DNM2: variants seen among roughly 807,000 people sequenced by gnomAD.
DNM2 encodes dynamin 2.
In DNM2, 15 loss-of-function variants were observed where a neutral mutation model predicts 99.0. The observed-to-expected ratio is 0.15, with a 90% CI of 0.10 to 0.23. DNM2 has a LOEUF of 0.23. DNM2 is among the 10% of genes least tolerant of loss of function. DNM2 has a pLI of 1.00. For missense variants in DNM2, 742 were observed against 1,189.4 expected (o/e 0.62, Z 5.53); for synonymous variants, 525 against 481.2 (o/e 1.09, Z -1.19).
chr19:10,750,825 T>C (rs1046744742), intron 1 of DNM2, among the ~76,000 whole-genome samples: 3 of 151,108 alleles, frequency 2.0e-5, no homozygotes, highest in African/African-American at 7.3e-5. Flanking sequence ...CCCAGCTACT[T>C]GGGGGGCTGA....
At position 10,775,797 on chromosome 19, in the gene DNM2, C is replaced by A; in HGVS notation, c.480C>A (p.Ile160=). The A allele has an allele frequency of 6.2e-7, 1 of 1,614,188 alleles. No individual in the cohort carries two copies. The highest frequency in any genetic ancestry group is 8.5e-7 in the Non-Finnish European group (1 of 1,180,040). Residue 160 remains isoleucine, a synonymous_variant, in exon 4 of 21, where the codon ATC becomes ATA. Transcript: ENST00000389253. This position sits in a 1 kb window ranked among gnomAD's most constrained non-coding sequence, Gnocchi z 4.3. ...TCGAGTACCAGATCAAGGACATGAT[C>A]CTGCAGTTCATCAGCCGGGAGAGCA... The part of the protein sequence containing the change: ...PDIEYQIKDM[I]LQFISRESSL...
chr19:10,803,403 C>T (rs1168998401), intron 12 of DNM2, among the ~76,000 whole-genome samples: 3 of 152,282 alleles, frequency 2.0e-5, no homozygotes, highest in African/African-American at 2.4e-5. Context: ...AGAGATGAGC[C>T]GAAGTCCCTG....
rs774256221 is a variant in DNM2 at position 10,823,878 on chromosome 19, C to T, written c.1872C>T (p.Gly624=). The change falls in exon 17 of 21, where the codon GGC becomes GGT. Residue 624 remains glycine (G), a synonymous_variant. Coordinates refer to ENST00000389253, the MANE Select transcript of DNM2 (RefSeq NM_001005361.3). ...GGAAGGCCTCGTTCCTCCGAGCTGG[C>T]GTCTACCCCGAGAAGGACCAGGTGA... ...DSWKASFLRA[G]VYPEKDQAEN... 1.5e-5 allele frequency: 25 copies of T among 1,613,644 alleles called. 1 individual carries two copies. The Middle Eastern group carries it at 6.6e-4, about 43-fold the overall frequency.
chr19:10,752,879 G>A (rs948211058), intron 1 of DNM2, among the ~76,000 whole-genome samples: 4 of 152,220 alleles, frequency 2.6e-5, no homozygotes, highest in Non-Finnish European at 5.9e-5. Flanking sequence ...GGTGGCTCAC[G>A]CCTGTAATCC....
chr19:10,786,190 A>G (rs1488386590), intron 6 of DNM2, among the ~76,000 whole-genome samples: 1 of 152,094 alleles, frequency 6.6e-6, no homozygotes, highest in East Asian at 1.9e-4. Flanking sequence ...CCACCTTTTC[A>G]GGGGCGATCT....
rs565098546 is a variant in DNM2, at chr19:10,811,574, G to T, written c.1558-690G>T. On this transcript the variant is annotated intron_variant, in intron 14 of 20. Coordinates refer to ENST00000389253, the MANE Select transcript of DNM2 (RefSeq NM_001005361.3). The surrounding 1 kb of genome is among the most constrained non-coding windows in gnomAD (Gnocchi z 5.4). Reference sequence around the variant, plus strand: ...GCTTCCTGCAGCTCCCAGGGCCCTCGTCCTGAGTGGGGTGGGGGGCTCTGC... The same window carrying T: ...GCTTCCTGCAGCTCCCAGGGCCCTCTTCCTGAGTGGGGTGGGGGGCTCTGC... 2 of 400,226 alleles carry T rather than the reference G, an allele frequency of 5.0e-6. No homozygotes were observed. Among genetic ancestry groups the T allele is most frequent in the Non-Finnish European group, 1.0e-5 (2 of 198,016 alleles). The allele number at this position is 400,226 out of a possible 1,614,324, so 24.8% of individuals were successfully genotyped here.
chr19:10,780,085 C>T (rs776745247), intron 5 of DNM2, among the ~76,000 whole-genome samples: 2 of 152,108 alleles, frequency 1.3e-5, no homozygotes, highest in African/African-American at 4.8e-5. Flanking sequence ...TTTTCCACCT[C>T]GATGTCTGAG....
Position 10,831,071 on chromosome 19 carries a change from G to A in DNM2, c.*24G>A. ...AGGCCTCGAGGGGGGCGTGCTCTCG[G>A]GGGGGCCTCACGCACCCGCGGCGCA... On this transcript the variant is annotated 3_prime_UTR_variant, in exon 21 of 21. Coordinates refer to ENST00000389253, the MANE Select transcript of DNM2 (RefSeq NM_001005361.3). This position sits in a 1 kb window ranked among gnomAD's most constrained non-coding sequence, Gnocchi z 4.3. 1 of 1,584,188 alleles carries A rather than the reference G, an allele frequency of 6.3e-7. No homozygotes were observed. Among genetic ancestry groups the A allele is most frequent in the Non-Finnish European group, 8.6e-7 (1 of 1,165,066 alleles).
chr19:10,792,057 C>T (rs139179562), intron 7 of DNM2, among the ~76,000 whole-genome samples: 3,154 of 152,268 alleles, frequency 0.021, 46 homozygotes, highest in Middle Eastern at 0.041. Flanking sequence ...CATTGCGCTC[C>T]AGCTTGGGCG....
intron 18 of DNM2, among the ~76,000 whole-genome samples, chr19:10,825,700 C>G (rs971712999): frequency 7.0e-6 from 1 of 143,668 alleles, no homozygotes; most frequent in Admixed American, 7.0e-5. Flanking sequence ...GAGAAAAATA[C>G]AAAAAGTAGC....
chr19:10,798,015 G>A (rs981511079), intron 10 of DNM2, among the ~76,000 whole-genome samples: 2 of 152,154 alleles, frequency 1.3e-5, no homozygotes, highest in African/African-American at 4.8e-5. Flanking sequence ...TGGCGAGTGT[G>A]TGCCACAGAT....
At chr19:10,757,671 A>G (rs1050227860) in intron 1 of DNM2, among the ~76,000 whole-genome samples, 2 of 152,142 alleles carry the variant, frequency 1.3e-5, no homozygotes, top group African/African-American at 2.4e-5. Flanking sequence ...TTGGCCAGGC[A>G]CGGTGGCTCA....
rs549767423 is a variant in DNM2, at chr19:10,787,616, G to A, written c.992+910G>A. On this transcript the variant is annotated intron_variant, in intron 7 of 20. Transcript: ENST00000389253. ...CAACGTACAAAAAAATTAGCCGGGC[G>A]CGGTGGTGGGCACCTGTAGTCCCAG... Among the ~76,000 whole-genome samples, 12 of 151,980 alleles carry A rather than the reference G, an allele frequency of 7.9e-5. No individual in the cohort carries two copies. The East Asian group carries it at 1.4e-3, about 17-fold the overall frequency.
Position 10,775,829 on chromosome 19 carries a change from T to G in DNM2, c.512T>G (p.Ile171Ser). The change falls in exon 4 of 21, where the codon ATT becomes AGT. Residue 171 changes from isoleucine (I) to serine (S), a missense_variant. This residue lies in a region of DNM2 where 192 missense variants were observed against 358.9 expected (regional missense o/e 0.54). Coordinates refer to ENST00000389253, the MANE Select transcript of DNM2 (RefSeq NM_001005361.3). The surrounding 1 kb of genome is among the most constrained non-coding windows in gnomAD (Gnocchi z 4.3). ...TTCATCAGCCGGGAGAGCAGCCTCA[T>G]TCTGGCTGTCACGCCCGCCAACATG... ...LQFISRESSLILAVTPANMDL... is the reference protein window; with the variant it reads ...LQFISRESSLSLAVTPANMDL... 1.2e-6 allele frequency: 2 copies of G among 1,614,090 alleles called. No homozygotes were observed. The highest frequency in any genetic ancestry group is 1.7e-6 in the Non-Finnish European group (2 of 1,180,022).
At chr19:10,731,731 A>G (rs2069327598) in intron 1 of DNM2, among the ~76,000 whole-genome samples, 1 of 152,232 alleles carries the variant, frequency 6.6e-6, no homozygotes, top group Admixed American at 6.5e-5. Context: ...CAGCTTGACG[A>G]AGGCTTCCTG....
At chr19:10,758,752 G>T (rs1426984563) in intron 1 of DNM2, among the ~76,000 whole-genome samples, 1 of 151,674 alleles carries the variant, frequency 6.6e-6, no homozygotes, top group East Asian at 2.0e-4. Context: ...TCGCCATGTT[G>T]GCCAGGCTGG....
At chr19:10,719,877 G>C (rs1397417669) in intron 1 of DNM2, among the ~76,000 whole-genome samples, 2 of 152,184 alleles carry the variant, frequency 1.3e-5, no homozygotes, top group Admixed American at 6.5e-5. Flanking sequence ...CTGGCGTAAG[G>C]CCTTGTGTCT....
In DNM2 at chr19:10,811,468, G is replaced by A. The variant is rs2072542201; in HGVS notation, c.1558-796G>A. 5.7e-6 allele frequency: 2 copies of A among 353,592 alleles called. No individual in the cohort carries two copies. The highest frequency in any genetic ancestry group is 5.6e-6 in the Non-Finnish European group (1 of 178,266). 21.9% of individuals were successfully genotyped at this position (353,592 alleles called of 1,614,324 possible). ...GGCCAGCCCTTCGCAGCTGTCCATG[G>A]CCATGCTCAGCCCACCCTTTGTAGC... On this transcript the variant is annotated intron_variant, in intron 14 of 20. Coordinates refer to ENST00000389253, the MANE Select transcript of DNM2 (RefSeq NM_001005361.3). This position sits in a 1 kb window ranked among gnomAD's most constrained non-coding sequence, Gnocchi z 5.4.
At chr19:10,783,611 A>G (rs575024533) in intron 6 of DNM2, among the ~76,000 whole-genome samples, 15 of 151,874 alleles carry the variant, frequency 9.9e-5, no homozygotes, top group Admixed American at 2.0e-4. Context: ...TTATTCAGTC[A>G]TTTACCCAGA....
Sources: allele counts gnomAD v4.1 joint callset (sites outside exome capture counted in the v4.1 genomes callset), GRCh38; gene constraint gnomAD v4.1.1; regional missense constraint gnomAD v4.1.1; non-coding constraint Gnocchi (gnomAD v3.1); transcripts MANE v1.5; gene names NCBI Gene and HGNC (gene_info 2026-07-23, HGNC 2026-07-21).